Variants in DBI observed in about 807,000 individuals in gnomAD.
DBI encodes diazepam binding inhibitor, acyl-CoA binding protein.
In DBI, 12 loss-of-function variants were observed where a neutral mutation model predicts 13.0. The observed-to-expected ratio is 0.92, with a 90% CI of 0.59 to 1.49. The LOEUF (loss-of-function observed/expected upper bound fraction) is 1.49, where lower values mean the gene tolerates loss of function less well. Among genes scored for constraint, DBI ranks in the 40% most tolerant of loss-of-function variants. DBI has a pLI of 0.00. For missense variants in DBI, 95 were observed against 104.8 expected, an observed-to-expected ratio of 0.91 and a Z score of 0.41; for synonymous variants, 37 against 37.4, an observed-to-expected ratio of 0.99 and a Z score of 0.04.
At position 119,367,708 on chromosome 2, in the gene DBI, C is replaced by G. The variant is rs1044647573; in HGVS notation, c.10-480C>G. 33 of 1,611,046 alleles carry G rather than the reference C, an allele frequency of 2.0e-5. No individual in the cohort carries two copies. In the South Asian group the frequency reaches 3.3e-4, roughly 16 times the overall value. On this transcript the variant is annotated intron_variant, in intron 1 of 3. Transcript: ENST00000355857. ...GACCAACGGGCTCCGGCGCTGACAC[C>G]GCGGCACTCATGCCCTGTCCCCTTT...
chr2:119,371,165 C>G (rs1459669582), intron 3 of DBI, among the ~76,000 whole-genome samples: 1 of 152,172 alleles, frequency 6.6e-6, no homozygotes, highest in Admixed American at 6.5e-5. Context: ...CGGTGACCCC[C>G]TAACCCCAGT....
chr2:119,368,043 A>G lies in DBI; in HGVS notation c.10-145A>G. 3 of 1,541,848 alleles carry G rather than the reference A, an allele frequency of 1.9e-6. No individual in the cohort carries two copies. The South Asian group carries it at 3.3e-5, about 17-fold the overall frequency. On this transcript the variant is annotated intron_variant, in intron 1 of 3. Coordinates refer to ENST00000355857, the MANE Select transcript of DBI (RefSeq NM_001079862.4). ...CCTGTTGGGGCAGGGAGGGGCAGAC[A>G]CACTTCAGGGGCTGCATTGCCCGAA...
Position 119,370,733 on chromosome 2 carries a change from G to A in DBI, c.128-7G>A, listed in dbSNP as rs199499255. The A allele has an allele frequency of 4.8e-5, 78 of 1,613,510 alleles. No individual in the cohort carries two copies. Among genetic ancestry groups the A allele is most frequent in the Non-Finnish European group, 5.9e-6 (7 of 1,179,820 alleles). ...CAGATCTAATGCCTTTTCTTCCCTT[G>A]TTTAAGAACGGCCCGGGATGTTGGA... is the stretch of plus-strand genomic sequence containing the variant. On this transcript the variant is annotated splice_polypyrimidine_tract_variant and splice_region_variant and intron_variant, in intron 2 of 3. Transcript: ENST00000355857.
At position 119,367,648 on chromosome 2, in the gene DBI, G is replaced by T. The variant is rs1681137261; in HGVS notation, c.10-540G>T. On this transcript the variant is annotated intron_variant, in intron 1 of 3. Coordinates refer to ENST00000355857, the MANE Select transcript of DBI (RefSeq NM_001079862.4). ...CAATCCGGGCACTGGGACAGAGGTCGGTGTTGAACGCGCGGGCCCCAGGGG... is the reference window on the plus strand; with the variant it reads ...CAATCCGGGCACTGGGACAGAGGTCTGTGTTGAACGCGCGGGCCCCAGGGG... 3 of 1,613,858 alleles carry T rather than the reference G, an allele frequency of 1.9e-6. No homozygotes were observed. In the Admixed American group the frequency reaches 5.0e-5, roughly 27 times the overall value.
intron 2 of DBI, chr2:119,368,546 A>G: frequency 2.2e-6 from 1 of 459,358 alleles, no homozygotes; most frequent in Non-Finnish European, 4.0e-6. Flanking sequence ...GCTACTCTCT[A>G]CTAGGGAAGA....
At chr2:119,367,912 C>A in intron 1 of DBI, 1 of 1,614,248 alleles carries the variant, frequency 6.2e-7, no homozygotes, top group Non-Finnish European at 8.5e-7. Context: ...GCTGTATTTC[C>A]AGACCTGATG....
At chr2:119,368,359 C>A in intron 2 of DBI, 54 bp downstream of exon 2, 2 of 1,395,958 alleles carry the variant, frequency 1.4e-6, no homozygotes, top group Non-Finnish European at 1.0e-6. Flanking sequence ...GGCTCAGCAG[C>A]TCAGACTGGA....
At chr2:119,370,453 T>C in intron 2 of DBI, 1 of 242,610 alleles carries the variant, frequency 4.1e-6, no homozygotes. Flanking sequence ...TAATTGTAAT[T>C]AAAGTATAAT....
chr2:119,371,534 T>C (rs1186544127), intron 3 of DBI, among the ~76,000 whole-genome samples: 1 of 152,228 alleles, frequency 6.6e-6, no homozygotes, highest in Non-Finnish European at 1.5e-5. Flanking sequence ...CCCATTTTCA[T>C]GGGACATTTC....
In DBI at chr2:119,367,018, GCTGTCTC is replaced by G. The variant is rs767700430; in HGVS notation, c.-32_-26del. 1 of 1,613,856 alleles carries G rather than the reference GCTGTCTC, an allele frequency of 6.2e-7. No homozygotes were observed. Among genetic ancestry groups the G allele is most frequent in the South Asian group, 1.1e-5 (1 of 91,028 alleles). On this transcript the variant is annotated 5_prime_UTR_variant, in exon 1 of 4. Coordinates refer to ENST00000355857, the MANE Select transcript of DBI (RefSeq NM_001079862.4). ...TCGCTTCCTGGTCCTCGCCTCCTCC[GCTGTCTC>G]CCTGGAGTTCTTGCAAGTCGGCCAG...
chr2:119,372,401 G>GA lies in DBI; in HGVS notation c.*85dup. 2 of 1,096,168 alleles carry GA rather than the reference G, an allele frequency of 1.8e-6. No homozygotes were observed. The highest frequency in any genetic ancestry group is 2.6e-5 in the South Asian group (2 of 76,674). The allele number at this position is 1,096,168 out of a possible 1,614,324, so 67.9% of individuals were successfully genotyped here. On this transcript the variant is annotated 3_prime_UTR_variant, in exon 4 of 4. Transcript: ENST00000355857. Reference sequence around the variant, plus strand: ...TTTTTTCTAATACCGTGGATGGTGGGAATTCGGGAAAATAACCAGTTAAAC... The same window carrying GA: ...TTTTTTCTAATACCGTGGATGGTGGGAAATTCGGGAAAATAACCAGTTAAAC...
chr2:119,371,480 C>T (rs2104698993), intron 3 of DBI, among the ~76,000 whole-genome samples: 1 of 152,334 alleles, frequency 6.6e-6, no homozygotes, highest in South Asian at 2.1e-4. Flanking sequence ...TAAACACACT[C>T]CTAGGATCTG....
chr2:119,369,773 G>A (rs1681380154), intron 2 of DBI, among the ~76,000 whole-genome samples: 2 of 152,002 alleles, frequency 1.3e-5, no homozygotes, highest in African/African-American at 2.4e-5. Flanking sequence ...GCAACAGAAC[G>A]AGACTCTGTC....
Position 119,370,708 on chromosome 2 carries a change from C to T in DBI, c.128-32C>T, listed in dbSNP as rs760126506. ...TCAAGTTCTCCATTAGAATTTGAAC[C>T]AGATCTAATGCCTTTTCTTCCCTTG... On this transcript the variant is annotated intron_variant, in intron 2 of 3. Transcript: ENST00000355857. The T allele has an allele frequency of 2.9e-5, 46 of 1,601,094 alleles. 1 individual carries two copies. The highest frequency in any genetic ancestry group is 1.6e-5 in the Non-Finnish European group (19 of 1,169,896).
In DBI at chr2:119,370,747, C is replaced by A. The variant is rs146343693; in HGVS notation, c.135C>A (p.Pro45=). The change falls in exon 3 of 4, where the codon CCC becomes CCA. Residue 45 remains proline, a synonymous_variant. Coordinates refer to ENST00000355857, the MANE Select transcript of DBI (RefSeq NM_001079862.4). ...TTTCTTCCCTTGTTTAAGAACGGCC[C>A]GGGATGTTGGACTTCACGGGCAAGG... is the stretch of plus-strand genomic sequence containing the variant. ...ATVGDINTER[P]GMLDFTGKAK... 2 of 1,613,748 alleles carry A rather than the reference C, an allele frequency of 1.2e-6. No individual in the cohort carries two copies. The highest frequency in any genetic ancestry group is 2.7e-5 in the African/African-American group (2 of 74,878).
intron 3 of DBI, among the ~76,000 whole-genome samples, chr2:119,371,873 T>C (rs1175184136): frequency 6.6e-6 from 1 of 152,180 alleles, no homozygotes; most frequent in Non-Finnish European, 1.5e-5. Context: ...CCAAAGCCAA[T>C]ATCAGCCACG....
At chr2:119,369,794 A>G (rs898116266) in intron 2 of DBI, among the ~76,000 whole-genome samples, 1 of 152,204 alleles carries the variant, frequency 6.6e-6, no homozygotes, top group Non-Finnish European at 1.5e-5. Flanking sequence ...TCTAAAAAAA[A>G]AAATTTTAAC....
chr2:119,367,125 C>T lies in DBI; in HGVS notation c.9+65C>T, dbSNP rs184593386. 240 of 1,605,392 alleles carry T rather than the reference C, an allele frequency of 1.5e-4. 2 individuals carry two copies. The East Asian group carries it at 4.4e-3, about 30-fold the overall frequency. On this transcript the variant is annotated intron_variant, in intron 1 of 3. Transcript: ENST00000355857. ...GCGGGAGGCCCGTTGGGGGCTCAGC[C>T]GGCTGCCAGAAGCTCTCGGGCTCTT...
intron 3 of DBI, among the ~76,000 whole-genome samples, chr2:119,371,747 C>T (rs1681531453): frequency 6.6e-6 from 1 of 152,240 alleles, no homozygotes; most frequent in Non-Finnish European, 1.5e-5. Context: ...GGTCAGAGTT[C>T]CTGAAACTTT....
Sources: allele counts gnomAD v4.1 joint callset (sites outside exome capture counted in the v4.1 genomes callset), GRCh38; gene constraint gnomAD v4.1.1; transcripts MANE v1.5; gene names NCBI Gene and HGNC (gene_info 2026-07-23, HGNC 2026-07-21).